Variants in BAZ1A observed in about 807,000 individuals in gnomAD.
BAZ1A encodes the protein bromodomain adjacent to zinc finger domain protein 1A.
Under a neutral mutation model 185.2 loss-of-function variants are expected in BAZ1A, and 50 were observed. The ratio of observed to expected loss-of-function variants is 0.27; its 90% CI spans 0.22 to 0.34. The LOEUF is 0.34. BAZ1A is among the 10% of genes least tolerant of loss of function. The probability of loss-of-function intolerance (pLI) is 1.00; values close to 1 mark genes in which losing one functional copy is unlikely to be tolerated. For synonymous variants in BAZ1A, 571 were observed against 615.6 expected (o/e 0.93, Z 1.07); for missense variants, 1,356 against 1,839.9 (o/e 0.74, Z 4.81).
intron 3 of BAZ1A, among the ~76,000 whole-genome samples, chr14:34,852,430 G>A (rs1234153267): frequency 3.3e-5 from 5 of 152,102 alleles, no homozygotes; most frequent in African/African-American, 1.2e-4. Flanking sequence ...ACCAGCCTGG[G>A]CAACATAATG....
At chr14:34,836,605 C>T (rs912152542) in intron 3 of BAZ1A, among the ~76,000 whole-genome samples, 1 of 151,722 alleles carries the variant, frequency 6.6e-6, no homozygotes, top group African/African-American at 2.4e-5. Flanking sequence ...ACAACTGCTC[C>T]CCATTCTGCC....
intron 12 of BAZ1A, among the ~76,000 whole-genome samples, chr14:34,790,503 G>A (rs989439314): frequency 5.3e-5 from 8 of 151,976 alleles, no homozygotes; most frequent in African/African-American, 1.9e-4. Context: ...ACAGGCATGC[G>A]CCACCATGCC....
rs183081972 is a variant in BAZ1A at position 34,762,227 on chromosome 14, T to C, written c.3777-4A>G. On this transcript the variant is annotated splice_region_variant and splice_polypyrimidine_tract_variant and intron_variant, in intron 23 of 26. Coordinates refer to ENST00000360310, the MANE Select transcript of BAZ1A (RefSeq NM_013448.3). ...TGGTCTTCCTCGTTTGGGTAGGCTA[T>C]AAATATTGTTAGAAAACACAATTAT... is the stretch of plus-strand genomic sequence containing the variant. 133 of 1,611,064 alleles carry C rather than the reference T, an allele frequency of 8.3e-5. No homozygotes were observed. The East Asian group carries it at 2.6e-3, about 32-fold the overall frequency.
chr14:34,860,668 A>G (rs938505565), intron 3 of BAZ1A, among the ~76,000 whole-genome samples: 1 of 152,070 alleles, frequency 6.6e-6, no homozygotes, highest in African/African-American at 2.4e-5. Flanking sequence ...GCACTTTGAG[A>G]GGCCAAGGTG....
chr14:34,778,805 G>A (rs900620104), intron 17 of BAZ1A, among the ~76,000 whole-genome samples: 1 of 152,062 alleles, frequency 6.6e-6, no homozygotes, highest in African/African-American at 2.4e-5. Flanking sequence ...TGTCTAGTTT[G>A]TCTTTCTCAG....
intron 3 of BAZ1A, among the ~76,000 whole-genome samples, chr14:34,851,565 G>A (rs1326930920): frequency 6.6e-6 from 1 of 151,926 alleles, no homozygotes; most frequent in Non-Finnish European, 1.5e-5. Context: ...TCCAGGGGAG[G>A]GGACAGAAGA....
rs1555346584 is a variant in BAZ1A, at chr14:34,872,941, A to AAC, written c.113+1550_113+1551insGT. On this transcript the variant is annotated intron_variant, in intron 2 of 26. Transcript: ENST00000360310. Reference sequence around the variant, plus strand: ...AAAAAAAAAAAAAAAAAAAAAAAAAACTTGTCCAATTACCTAATCCAAGTT... The same window carrying AAC: ...AAAAAAAAAAAAAAAAAAAAAAAAAAACCTTGTCCAATTACCTAATCCAAGTT... 6.1e-3 allele frequency among the ~76,000 whole-genome samples: 747 copies of AAC among 122,654 alleles called. 61 individuals carry two copies. The highest frequency in any genetic ancestry group is 0.018 in the African/African-American group (542 of 30,802). The allele number at this position is 122,654 out of a possible 152,430, so 80.5% of individuals were successfully genotyped here. A position where few individuals can be genotyped will look rare whatever the true frequency, so the allele number is the denominator to read the frequency against.
intron 16 of BAZ1A, among the ~76,000 whole-genome samples, chr14:34,781,201 A>C (rs1880012814): frequency 6.6e-6 from 1 of 152,234 alleles, no homozygotes; most frequent in African/African-American, 2.4e-5. Context: ...GGGCTGAATA[A>C]ATATTTAAAA....
intron 21 of BAZ1A, among the ~76,000 whole-genome samples, chr14:34,767,706 C>G (rs902028761): frequency 2.0e-5 from 3 of 151,962 alleles, no homozygotes; most frequent in African/African-American, 4.8e-5. Flanking sequence ...TGAGGAAGCA[C>G]GAATAGCTAG....
intron 20 of BAZ1A, among the ~76,000 whole-genome samples, chr14:34,773,200 T>C (rs1879341847): frequency 6.6e-6 from 1 of 152,192 alleles, no homozygotes; most frequent in African/African-American, 2.4e-5. Context: ...CCACGCCATC[T>C]TGCCTGGCTC....
At chr14:34,797,548 C>T (rs1210294597) in intron 9 of BAZ1A, among the ~76,000 whole-genome samples, 1 of 151,852 alleles carries the variant, frequency 6.6e-6, no homozygotes, top group Non-Finnish European at 1.5e-5. Context: ...AACAGAGTGA[C>T]ACTCCATCTC....
At chr14:34,853,263 A>C (rs2042624775) in intron 3 of BAZ1A, among the ~76,000 whole-genome samples, 1 of 152,356 alleles carries the variant, frequency 6.6e-6, no homozygotes, top group East Asian at 1.9e-4. Context: ...TTGGCAGGCA[A>C]GCTAGGTGGT....
chr14:34,869,401 G>A (rs1203269325), intron 2 of BAZ1A, among the ~76,000 whole-genome samples: 1 of 152,164 alleles, frequency 6.6e-6, no homozygotes, highest in Non-Finnish European at 1.5e-5. Context: ...TTTCAAGAGA[G>A]AAAGTTAGAC....
At chr14:34,814,797 C>T (rs2048413371) in intron 4 of BAZ1A, among the ~76,000 whole-genome samples, 1 of 141,010 alleles carries the variant, frequency 7.1e-6, no homozygotes, top group East Asian at 2.1e-4. Flanking sequence ...TTTTTTGAGA[C>T]AGTTTTGCTC....
chr14:34,801,157 A>G lies in BAZ1A; in HGVS notation c.898T>C (p.Tyr300His), dbSNP rs1156469701. 3 of 1,607,858 alleles carry G rather than the reference A, an allele frequency of 1.9e-6. No homozygotes were observed. Among genetic ancestry groups the G allele is most frequent in the Non-Finnish European group, 2.5e-6 (3 of 1,178,174 alleles). Residue 300 changes from tyrosine (Y) to histidine (H), a missense_variant, in exon 8 of 27, where the codon TAT becomes CAT. By Grantham distance (83) the Tyr-to-His change is moderately conservative. Around this residue, in one of 7 missense-constraint regions of BAZ1A, gnomAD observed 332 missense variants for 395.3 expected, o/e 0.84. Coordinates refer to ENST00000360310, the MANE Select transcript of BAZ1A (RefSeq NM_013448.3). The stretch of plus-strand genomic sequence containing the variant: ...CTTTCTTTAGTAGCTTTGCTCCTAT[A>G]ACTTGCAAGAGTCTGTTTATTAGCA... Reference protein sequence around the residue: ...NVANKQTLASYRSKATKERDK... With the variant: ...NVANKQTLASHRSKATKERDK...
Position 34,762,111 on chromosome 14 carries a change from T to C in BAZ1A, c.3889A>G (p.Arg1297Gly). The C allele has an allele frequency of 6.2e-7, 1 of 1,614,216 alleles. No homozygotes were observed. ...QQQEPGRYPSRSQQSTPKTTV... is the reference protein window; with the variant it reads ...QQQEPGRYPSGSQQSTPKTTV... ...GTTTTGGGTGTGCTCTGCTGACTCCTTGAAGGGTATCTTCCAGGTTCTTGT... is the reference window on the plus strand; with the variant it reads ...GTTTTGGGTGTGCTCTGCTGACTCCCTGAAGGGTATCTTCCAGGTTCTTGT... The change falls in exon 24 of 27, where the codon AGG (arginine) becomes GGG (glycine). Residue 1297 changes from arginine to glycine, a missense_variant. Arg to Gly is a moderately radical substitution (Grantham distance 125). Transcript: ENST00000360310.
intron 4 of BAZ1A, among the ~76,000 whole-genome samples, chr14:34,817,962 A>G (rs2042031910): frequency 6.6e-6 from 1 of 152,190 alleles, no homozygotes; most frequent in Non-Finnish European, 1.5e-5. Context: ...ATAGATTACC[A>G]TATGACCCAG....
At chr14:34,861,087 T>G (rs1028184992) in intron 3 of BAZ1A, among the ~76,000 whole-genome samples, 2 of 151,766 alleles carry the variant, frequency 1.3e-5, no homozygotes, top group African/African-American at 4.8e-5. Flanking sequence ...ATTCTTCAAA[T>G]AAGATAATAG....
intron 3 of BAZ1A, among the ~76,000 whole-genome samples, chr14:34,860,518 T>TAAAAAAAAAAAAA (rs397852116): frequency 1.4e-5 from 1 of 70,608 alleles, no homozygotes; most frequent in Non-Finnish European, 2.5e-5. Context: ...TACCAAAAGT[T>TAAAAAAAAAAAAA]AAAAAAAAAA....
Sources: gnomAD v4.1 joint callset for allele counts (sites outside exome capture counted in the v4.1 genomes callset) on GRCh38, gnomAD v4.1.1 for gene constraint, gnomAD v4.1.1 regional missense constraint, MANE v1.5 for transcripts, NCBI Gene and HGNC (gene_info 2026-07-23, HGNC 2026-07-21) for gene names.